Variants in MAD2L2 observed in about 807,000 individuals in gnomAD.
MAD2L2 encodes mitotic spindle assembly checkpoint protein MAD2B.
Under a neutral mutation model 30.5 loss-of-function variants are expected in MAD2L2, and 17 were observed. The ratio of observed to expected loss-of-function variants is 0.56; its 90% CI spans 0.38 to 0.84. The LOEUF (loss-of-function observed/expected upper bound fraction) is 0.84, where lower values mean the gene tolerates loss of function less well. Among genes scored for constraint, MAD2L2 ranks in the 40% least tolerant of loss-of-function variants. The probability of loss-of-function intolerance (pLI) is 0.00; values close to 1 mark genes in which losing one functional copy is unlikely to be tolerated. For synonymous variants in MAD2L2, 101 were observed against 113.9 expected, an observed-to-expected ratio of 0.89 and a Z score of 0.72; for missense variants, 213 against 277.4, an observed-to-expected ratio of 0.77 and a Z score of 1.65.
rs143263619 is a variant in MAD2L2 at position 11,674,805 on chromosome 1, G to A, written c.606C>T (p.Tyr202=). The part of the protein sequence containing the change: ...MTSDILKMQL[Y]VEERAHKGS ...TGCCTTTATGAGCGCGCTCTTCCAC[G>A]TAAAGCTGCATCTGACGGACACAAG... Residue 202 remains tyrosine (Y), a synonymous_variant, in exon 9 of 9, where the codon TAC becomes TAT. Transcript: ENST00000376692. This position sits in a 1 kb window ranked among gnomAD's most constrained non-coding sequence, Gnocchi z 6.1. 288 of 1,613,752 alleles carry A rather than the reference G, an allele frequency of 1.8e-4. No homozygotes were observed. In the African/African-American group the frequency reaches 2.7e-3, roughly 15 times the overall value.
rs770117485 is a variant in MAD2L2 at position 11,676,954 on chromosome 1, AAG to A, written c.232-8_232-7del. The A allele has an allele frequency of 1.6e-5, 25 of 1,608,930 alleles. No homozygotes were observed. Among genetic ancestry groups the A allele is most frequent in the Non-Finnish European group, 2.1e-5 (25 of 1,175,452 alleles). ...ACCACTTTCTCCACATCATTCTGCA[AAG>A]AGAGGAACCCCCACTGCAGAGCCAG... On this transcript the variant is annotated splice_region_variant and splice_polypyrimidine_tract_variant and intron_variant, in intron 4 of 8. Coordinates refer to ENST00000376692, the MANE Select transcript of MAD2L2 (RefSeq NM_006341.4).
intron 3 of MAD2L2, among the ~76,000 whole-genome samples, chr1:11,677,963 A>G (rs1331551098): frequency 6.6e-6 from 1 of 151,938 alleles, no homozygotes; most frequent in East Asian, 1.9e-4. Context: ...AGGCTAAGGC[A>G]AAAGAATCGC....
Position 11,688,544 on chromosome 1 carries a change from G to A in MAD2L2, c.-692+2869C>T, listed in dbSNP as rs1016132569. Among the ~76,000 whole-genome samples the A allele has an allele frequency of 2.1e-5, 3 of 145,828 alleles. No individual in the cohort carries two copies. The highest frequency in any genetic ancestry group is 3.0e-5 in the Non-Finnish European group (2 of 67,318). On this transcript the variant is annotated intron_variant, in intron 1 of 10. Transcript: ENST00000235310. The surrounding 1 kb of genome is among the most constrained non-coding windows in gnomAD (Gnocchi z 4.6). The stretch of plus-strand genomic sequence containing the variant: ...CCACTGCACTCCAGCCTGGACAACA[G>A]AGCAAGACTGCATCTCAAAAAAAAA...
In MAD2L2 at chr1:11,674,693, A is replaced by G; in HGVS notation, c.*82T>C. The stretch of plus-strand genomic sequence containing the variant: ...AGAGGCGATAAGAGCACTTGGAATC[A>G]GGGCAGCCATGCAGCACTGCCCTAG... On this transcript the variant is annotated 3_prime_UTR_variant, in exon 9 of 9. Coordinates refer to ENST00000376692, the MANE Select transcript of MAD2L2 (RefSeq NM_006341.4). This position sits in a 1 kb window ranked among gnomAD's most constrained non-coding sequence, Gnocchi z 6.1. 2 of 1,433,844 alleles carry G rather than the reference A, an allele frequency of 1.4e-6. No individual in the cohort carries two copies. The highest frequency in any genetic ancestry group is 9.8e-7 in the Non-Finnish European group (1 of 1,022,712). The allele number at this position is 1,433,844 out of a possible 1,614,324, so 88.8% of individuals were successfully genotyped here.
chr1:11,680,125 A>T (rs956091771), intron 3 of MAD2L2, among the ~76,000 whole-genome samples: 2 of 147,344 alleles, frequency 1.4e-5, no homozygotes, highest in Non-Finnish European at 3.0e-5. Flanking sequence ...CCTCCTGAGT[A>T]GCTGGGATTA....
intron 1 of MAD2L2, among the ~76,000 whole-genome samples, chr1:11,689,166 G>T (rs1445957865): frequency 6.6e-6 from 1 of 152,118 alleles, no homozygotes; most frequent in Admixed American, 6.5e-5. Flanking sequence ...GCATGGCGGT[G>T]TGTGCCTGTA....
intron 4 of MAD2L2, 35 bp downstream of exon 4, chr1:11,677,508 G>C: frequency 6.3e-7 from 1 of 1,598,046 alleles, no homozygotes; most frequent in East Asian, 2.2e-5. Context: ...GGTGAGCATG[G>C]GGTGAGATGG....
chr1:11,686,682 C>T (rs199802188), intron 1 of MAD2L2, among the ~76,000 whole-genome samples: 1 of 152,138 alleles, frequency 6.6e-6, no homozygotes, highest in East Asian at 1.9e-4. Flanking sequence ...GGATTACAGG[C>T]TTGAGCCACT....
chr1:11,684,041 G>A (rs112439292), upstream of MAD2L2, among the ~76,000 whole-genome samples: 7 of 152,266 alleles, frequency 4.6e-5, no homozygotes, highest in African/African-American at 1.7e-4. Context: ...AGGAAGGTGG[G>A]TTAGGAAGCA....
At position 11,677,638 on chromosome 1, in the gene MAD2L2, G is replaced by A. The variant is rs202238543; in HGVS notation, c.160-24C>T. ...ATCTGCACACAATACCATGCGGCTCGTGAGGCCCAAAGCACAGATGGGGAA... is the reference window on the plus strand; with the variant it reads ...ATCTGCACACAATACCATGCGGCTCATGAGGCCCAAAGCACAGATGGGGAA... On this transcript the variant is annotated intron_variant, in intron 3 of 8. Coordinates refer to ENST00000376692, the MANE Select transcript of MAD2L2 (RefSeq NM_006341.4). The A allele has an allele frequency of 2.2e-5, 35 of 1,601,810 alleles. No individual in the cohort carries two copies. The African/African-American group carries it at 2.5e-4, about 12-fold the overall frequency.
At chr1:11,682,924 G>C (rs959838831), upstream of MAD2L2, among the ~76,000 whole-genome samples, 2 of 152,194 alleles carry the variant, frequency 1.3e-5, no homozygotes, top group African/African-American at 2.4e-5. Flanking sequence ...TTTCCACACA[G>C]AGCTGGCCAA....
chr1:11,674,695 G>A lies in MAD2L2; in HGVS notation c.*80C>T. 1.4e-6 allele frequency: 2 copies of A among 1,446,994 alleles called. No homozygotes were observed. Among genetic ancestry groups the A allele is most frequent in the Non-Finnish European group, 1.9e-6 (2 of 1,033,934 alleles). The allele number at this position is 1,446,994 out of a possible 1,614,324, so 89.6% of individuals were successfully genotyped here. On this transcript the variant is annotated 3_prime_UTR_variant, in exon 9 of 9. Transcript: ENST00000376692. This position sits in a 1 kb window ranked among gnomAD's most constrained non-coding sequence, Gnocchi z 6.1. ...AGGCGATAAGAGCACTTGGAATCAG[G>A]GCAGCCATGCAGCACTGCCCTAGGC...
chr1:11,690,004 C>T lies in MAD2L2; in HGVS notation c.-692+1409G>A, dbSNP rs1289566688. On this transcript the variant is annotated intron_variant, in intron 1 of 10. Coordinates refer to the MAD2L2 transcript ENST00000235310. This position sits in a 1 kb window ranked among gnomAD's most constrained non-coding sequence, Gnocchi z 4.2. Reference sequence around the variant, plus strand: ...CTCCCCACAACCACGTGGCTCATTACCTCCTTTTCTTTGCCAAAAGAACTG... The same window carrying T: ...CTCCCCACAACCACGTGGCTCATTATCTCCTTTTCTTTGCCAAAAGAACTG... Among the ~76,000 whole-genome samples, 2 of 151,996 alleles carry T rather than the reference C, an allele frequency of 1.3e-5. No homozygotes were observed. The highest frequency in any genetic ancestry group is 2.9e-5 in the Non-Finnish European group (2 of 68,028).
Position 11,674,913 on chromosome 1 carries a change from G to C in MAD2L2, c.595-97C>G. 2.8e-6 allele frequency: 4 copies of C among 1,431,522 alleles called. No individual in the cohort carries two copies. Among genetic ancestry groups the C allele is most frequent in the Non-Finnish European group, 3.9e-6 (4 of 1,018,788 alleles). The allele number at this position is 1,431,522 out of a possible 1,614,324, so 88.7% of individuals were successfully genotyped here. ...CCTGGTGGGCAGACCTCCACCACAG[G>C]TGGGGCCTCGTGGCCATAGCCATGG... On this transcript the variant is annotated intron_variant, in intron 8 of 8. Coordinates refer to ENST00000376692, the MANE Select transcript of MAD2L2 (RefSeq NM_006341.4). The surrounding 1 kb of genome is among the most constrained non-coding windows in gnomAD (Gnocchi z 6.1).
intron 5 of MAD2L2, 69 bp from the exon 6 acceptor site, chr1:11,676,209 T>A (rs539957226): frequency 5.7e-6 from 6 of 1,046,730 alleles, no homozygotes; most frequent in Non-Finnish European, 8.4e-6. Flanking sequence ...CAAGCCTGGA[T>A]GCAGACCTGG....
intron 3 of MAD2L2, 71 bp downstream of exon 3, chr1:11,680,282 C>T (rs897355622): frequency 1.3e-5 from 8 of 609,954 alleles, no homozygotes; most frequent in Non-Finnish European, 1.7e-5. Context: ...AGGCGTGAGC[C>T]ACGGCGCCCG....
upstream of MAD2L2, among the ~76,000 whole-genome samples, chr1:11,683,436 T>C (rs1220831004): frequency 6.6e-6 from 1 of 152,074 alleles, no homozygotes; most frequent in Non-Finnish European, 1.5e-5. Flanking sequence ...GCAAATATCA[T>C]ATGTTCTCAC....
rs1259071066 is a variant in MAD2L2 at position 11,688,027 on chromosome 1, G to A, written c.-692+3386C>T. Among the ~76,000 whole-genome samples, 1 of 152,068 alleles carries A rather than the reference G, an allele frequency of 6.6e-6. No individual in the cohort carries two copies. The highest frequency in any genetic ancestry group is 6.6e-5 in the Admixed American group (1 of 15,256). ...GTGTCACCCCAGCTCCAAGCACATC[G>A]GAAGATCACCCAGCCAGGGGACAGC... is the stretch of plus-strand genomic sequence containing the variant. On this transcript the variant is annotated intron_variant, in intron 1 of 10. Coordinates refer to the MAD2L2 transcript ENST00000235310. This position sits in a 1 kb window ranked among gnomAD's most constrained non-coding sequence, Gnocchi z 4.6.
At chr1:11,675,958 G>T in intron 6 of MAD2L2, 88 bp downstream of exon 6, 1 of 1,163,804 alleles carries the variant, frequency 8.6e-7, no homozygotes, top group Non-Finnish European at 1.3e-6. Flanking sequence ...ATGAGTCTCA[G>T]AACAGCCAAA....
Sources: allele counts gnomAD v4.1 joint callset (sites outside exome capture counted in the v4.1 genomes callset), GRCh38; gene constraint gnomAD v4.1.1; non-coding constraint Gnocchi (gnomAD v3.1); transcripts MANE v1.5; gene names NCBI Gene and HGNC (gene_info 2026-07-23, HGNC 2026-07-21).